TOGARAM1: variants seen among roughly 807,000 people sequenced by gnomAD.
TOGARAM1 encodes TOG array regulator of axonemal microtubules protein 1.
Under a neutral mutation model 166.6 loss-of-function variants are expected in TOGARAM1, and 100 were observed. The ratio of observed to expected loss-of-function variants is 0.60; its 90% CI spans 0.51 to 0.71. The LOEUF is 0.71. Among genes scored for constraint, TOGARAM1 ranks in the 30% least tolerant of loss-of-function variants. TOGARAM1 has a pLI of 0.00. For synonymous variants in TOGARAM1, 758 were observed against 763.8 expected, an observed-to-expected ratio of 0.99 and a Z score of 0.13; for missense variants, 2,029 against 2,102.7, an observed-to-expected ratio of 0.96 and a Z score of 0.69.
intron 10 of TOGARAM1, among the ~76,000 whole-genome samples, chr14:45,030,055 C>T (rs1285509929): frequency 6.6e-6 from 1 of 152,020 alleles, no homozygotes; most frequent in Non-Finnish European, 1.5e-5. Flanking sequence ...CTCCTGACCT[C>T]GTGATCTGCT....
chr14:45,073,534 C>T lies in TOGARAM1; in HGVS notation c.5295C>T (p.Leu1765=), dbSNP rs1482783397. 4.3e-6 allele frequency: 7 copies of T among 1,613,094 alleles called. No homozygotes were observed. The highest frequency in any genetic ancestry group is 1.6e-4 in the Middle Eastern group (1 of 6,080). ...PHIKKSLEEL[L]DMTILNEL ...TCAAAAAGAGTTTGGAGGAATTACT[C>T]GATATGACAATTTTAAATGAATTAT... Residue 1765 remains leucine (L), a synonymous_variant, in exon 20 of 20, where the codon CTC becomes CTT. Coordinates refer to ENST00000361462, the MANE Select transcript of TOGARAM1 (RefSeq NM_001308120.2).
chr14:45,053,093 C>A (rs1882456616), intron 15 of TOGARAM1, among the ~76,000 whole-genome samples: 1 of 144,074 alleles, frequency 6.9e-6, no homozygotes, highest in African/African-American at 2.6e-5. Flanking sequence ...GGCTAGAGTG[C>A]AGTGGTGTGA....
Position 45,009,098 on chromosome 14 carries a change from A to AT in TOGARAM1, c.3091dup (p.Ser1031PhefsTer44). The AT allele has an allele frequency of 6.2e-7, 1 of 1,614,098 alleles. No individual in the cohort carries two copies. Among genetic ancestry groups the AT allele is most frequent in the Non-Finnish European group, 8.5e-7 (1 of 1,179,974 alleles). On this transcript the variant is annotated frameshift_variant, in exon 6 of 20. Transcript: ENST00000361462. LOFTEE classifies it high-confidence loss of function. ...GTGAAAGTGGAGTTTACAGCCAAGA[A>AT]TCATTGACTTCTTCTCTGTCTACAA...
At chr14:45,032,470 A>G in intron 11 of TOGARAM1, 94 bp downstream of exon 11, 1 of 1,229,836 alleles carries the variant, frequency 8.1e-7, no homozygotes, top group Non-Finnish European at 1.1e-6. Context: ...TTCTATTAAA[A>G]TAATCTTAGA....
At chr14:44,986,998 CTG>C (rs1886847912) in intron 1 of TOGARAM1, among the ~76,000 whole-genome samples, 1 of 141,168 alleles carries the variant, frequency 7.1e-6, no homozygotes, top group Non-Finnish European at 1.5e-5. Context: ...GAGCGAGACT[CTG>C]TCTCAAAAAA....
Position 44,962,612 on chromosome 14 carries a change from C to G in TOGARAM1, c.191C>G (p.Thr64Ser), listed in dbSNP as rs946292884. ...GACCACGGTTCCTGCCCCACTACAA[C>G]TTCGCCTCTGGCCTCGGCCCTCTTG... ...AGDHGSCPTT[T>S]SPLASALLMP... Residue 64 changes from threonine (T) to serine (S), a missense_variant, in exon 1 of 20, where the codon ACT (threonine) becomes AGT (serine). Coordinates refer to ENST00000361462, the MANE Select transcript of TOGARAM1 (RefSeq NM_001308120.2). The G allele has an allele frequency of 1.2e-6, 2 of 1,613,560 alleles. 1 individual carries two copies. The highest frequency in any genetic ancestry group is 2.2e-5 in the South Asian group (2 of 91,032).
chr14:44,993,672 TC>T (rs1373519263), intron 1 of TOGARAM1, among the ~76,000 whole-genome samples: 1 of 152,232 alleles, frequency 6.6e-6, no homozygotes, highest in East Asian at 1.9e-4. Context: ...AAGAGGACTT[TC>T]ATGTTAATTG....
At chr14:44,991,158 A>T (rs974467233) in intron 1 of TOGARAM1, among the ~76,000 whole-genome samples, 1 of 151,056 alleles carries the variant, frequency 6.6e-6, no homozygotes, top group South Asian at 2.1e-4. Flanking sequence ...GGGTCTTGCC[A>T]TGTTGCCCAG....
intron 16 of TOGARAM1, among the ~76,000 whole-genome samples, chr14:45,060,006 A>G (rs1246190756): frequency 3.4e-5 from 5 of 147,182 alleles, no homozygotes; most frequent in African/African-American, 1.3e-4. Flanking sequence ...TCCGTCTCCC[A>G]GGTTCATGCC....
chr14:45,007,384 A>G (rs980889099), intron 5 of TOGARAM1: 24 of 151,988 alleles, frequency 1.6e-4, no homozygotes, highest in African/African-American at 5.8e-4. Flanking sequence ...ATTCATTTGA[A>G]GGGAAGAAAC....
intron 1 of TOGARAM1, among the ~76,000 whole-genome samples, chr14:44,989,746 G>A (rs1887030176): frequency 6.6e-6 from 1 of 152,036 alleles, no homozygotes; most frequent in South Asian, 2.1e-4. Flanking sequence ...CTTTATAGCA[G>A]TACCTCACTA....
At chr14:44,984,358 T>C (rs1423097975) in intron 1 of TOGARAM1, among the ~76,000 whole-genome samples, 1 of 151,968 alleles carries the variant, frequency 6.6e-6, no homozygotes, top group East Asian at 1.9e-4. Flanking sequence ...TGTTAATATA[T>C]CTTTAGACAC....
chr14:45,027,206 A>G, intron 8 of TOGARAM1, 93 bp from the exon 9 acceptor site: 1 of 1,249,512 alleles, frequency 8.0e-7, no homozygotes, highest in Non-Finnish European at 1.1e-6. Flanking sequence ...GTGTTGTTTG[A>G]TTCTTGAAGG....
intron 1 of TOGARAM1, among the ~76,000 whole-genome samples, chr14:44,991,889 TTGA>T: frequency 6.6e-6 from 1 of 151,732 alleles, no homozygotes; most frequent in African/African-American, 2.4e-5. Context: ...AATTTTTCTT[TTGA>T]TAACTTTGGT....
chr14:45,042,740 A>T (rs747795299), intron 11 of TOGARAM1, among the ~76,000 whole-genome samples: 1 of 152,166 alleles, frequency 6.6e-6, no homozygotes, highest in Non-Finnish European at 1.5e-5. Flanking sequence ...AAAAATACTT[A>T]ATTGCTAAAA....
chr14:44,971,599 T>C (rs1487137655), intron 1 of TOGARAM1, among the ~76,000 whole-genome samples: 1 of 152,200 alleles, frequency 6.6e-6, no homozygotes, highest in Non-Finnish European at 1.5e-5. Context: ...TTGGATTTAA[T>C]TTGCTCTTCC....
At position 44,963,491 on chromosome 14, in the gene TOGARAM1, C is replaced by G; in HGVS notation, c.1070C>G (p.Ser357Ter). 1 of 1,614,178 alleles carries G rather than the reference C, an allele frequency of 6.2e-7. No individual in the cohort carries two copies. Among genetic ancestry groups the G allele is most frequent in the Non-Finnish European group, 8.5e-7 (1 of 1,180,040 alleles). ...KFGIIPQELH[S>*]RLLDQEDYKN... ...GGGATTATTCCTCAGGAGCTGCATT[C>G]ACGATTATTGGATCAGGAAGACTAT... Residue 357 changes from serine (S) to a stop codon, truncating the protein, a stop_gained, in exon 1 of 20, where the codon TCA (serine) becomes TGA (stop). Coordinates refer to ENST00000361462, the MANE Select transcript of TOGARAM1 (RefSeq NM_001308120.2). LOFTEE classifies it high-confidence loss of function.
chr14:45,044,539 T>G, intron 12 of TOGARAM1, 96 bp from the exon 13 acceptor site: 1 of 566,486 alleles, frequency 1.8e-6, no homozygotes, highest in East Asian at 3.6e-5. Context: ...AGACCCTAAC[T>G]CAAAAAAAAA....
intron 6 of TOGARAM1, 44 bp from the exon 7 acceptor site, chr14:45,011,931 C>T: frequency 7.4e-7 from 1 of 1,349,266 alleles, no homozygotes; most frequent in African/African-American, 1.5e-5. Flanking sequence ...TATTGAACAG[C>T]ACTAAATCTT....
Sources: gnomAD v4.1 joint callset for allele counts (sites outside exome capture counted in the v4.1 genomes callset) on GRCh38, gnomAD v4.1.1 for gene constraint, MANE v1.5 for transcripts, NCBI Gene and HGNC (gene_info 2026-07-23, HGNC 2026-07-21) for gene names.